NEGR1: variants seen among roughly 807,000 people sequenced by gnomAD.
NEGR1 encodes IgLON family member 4.
Under a neutral mutation model 40.9 loss-of-function variants are expected in NEGR1, and 10 were observed. That is an observed-to-expected ratio of 0.24 (90% confidence interval 0.15 to 0.42). NEGR1 has a LOEUF of 0.42. Among genes scored for constraint, NEGR1 ranks in the 10% least tolerant of loss-of-function variants. The probability of loss-of-function intolerance (pLI) is 1.00; values close to 1 mark genes in which losing one functional copy is unlikely to be tolerated. For synonymous variants in NEGR1, 185 were observed against 166.8 expected, an observed-to-expected ratio of 1.11 and a Z score of -0.84; for missense variants, 352 against 438.9, an observed-to-expected ratio of 0.80 and a Z score of 1.77.
chr1:72,198,353 C>A (rs537293885), intron 1 of NEGR1, among the ~76,000 whole-genome samples: 1 of 151,896 alleles, frequency 6.6e-6, no homozygotes, highest in Non-Finnish European at 1.5e-5. Context: ...AATATGGGAA[C>A]TGAAAAGACT....
chr1:71,735,609 A>G (rs1007436180), intron 3 of NEGR1, among the ~76,000 whole-genome samples: 6 of 152,120 alleles, frequency 3.9e-5, no homozygotes, highest in African/African-American at 1.4e-4. Flanking sequence ...AGCTATGATA[A>G]GAACTGCAAA....
At chr1:71,854,543 G>C (rs1310781654) in intron 2 of NEGR1, among the ~76,000 whole-genome samples, 1 of 152,060 alleles carries the variant, frequency 6.6e-6, no homozygotes, top group Non-Finnish European at 1.5e-5. Flanking sequence ...AATCGTATTA[G>C]TCCACTCTGA....
chr1:72,000,901 A>G (rs1203498733), intron 1 of NEGR1, among the ~76,000 whole-genome samples: 1 of 152,208 alleles, frequency 6.6e-6, no homozygotes, highest in Non-Finnish European at 1.5e-5. Context: ...ACAAAAGGAC[A>G]GCCTGAAGGC....
intron 3 of NEGR1, among the ~76,000 whole-genome samples, chr1:71,703,567 AT>A (rs1653775172): frequency 6.6e-6 from 1 of 151,822 alleles, no homozygotes; most frequent in Admixed American, 6.6e-5. Context: ...TTTACAAAAA[AT>A]AAATATAATG....
chr1:71,480,411 C>G (rs892016793), intron 6 of NEGR1, among the ~76,000 whole-genome samples: 1 of 151,780 alleles, frequency 6.6e-6, no homozygotes, highest in African/African-American at 2.4e-5. Flanking sequence ...CCTCTTTCTC[C>G]TTTTCTCTAT....
chr1:71,894,241 A>G lies in NEGR1; in HGVS notation c.409+40838T>C, dbSNP rs533414323. On this transcript the variant is annotated intron_variant, in intron 2 of 6. Transcript: ENST00000357731. ...GTATAATAATAATAATAAAAAAAGA[A>G]AAAAAAAAAAAGAATGGAGAAGTCA... Among the ~76,000 whole-genome samples, 4 of 120,920 alleles carry G rather than the reference A, an allele frequency of 3.3e-5. 1 individual carries two copies. The East Asian group carries it at 1.0e-3, about 30-fold the overall frequency. 79.3% of individuals were successfully genotyped at this position (120,920 alleles called of 152,430 possible).
chr1:71,797,797 A>G (rs1657393414), intron 2 of NEGR1, among the ~76,000 whole-genome samples: 1 of 152,146 alleles, frequency 6.6e-6, no homozygotes, highest in Non-Finnish European at 1.5e-5. Context: ...TTCTCTGAGC[A>G]CTGACTCTTC....
intron 1 of NEGR1, among the ~76,000 whole-genome samples, chr1:72,091,217 G>T (rs1408167476): frequency 6.6e-6 from 1 of 152,054 alleles, no homozygotes; most frequent in African/African-American, 2.4e-5. Flanking sequence ...GAAATGATAT[G>T]CACTCAGATA....
At chr1:71,697,574 C>T (rs1416689819) in intron 4 of NEGR1, among the ~76,000 whole-genome samples, 1 of 151,840 alleles carries the variant, frequency 6.6e-6, no homozygotes, top group East Asian at 1.9e-4. Context: ...ACCCAACTAA[C>T]AGAAGCATCA....
intron 1 of NEGR1, among the ~76,000 whole-genome samples, chr1:71,990,992 G>T (rs1420854608): frequency 6.6e-6 from 1 of 150,756 alleles, no homozygotes; most frequent in African/African-American, 2.4e-5. Flanking sequence ...GTCTTTCCTT[G>T]TATCAATCCT....
intron 2 of NEGR1, among the ~76,000 whole-genome samples, chr1:71,902,134 A>G (rs562884362): frequency 6.6e-6 from 1 of 152,372 alleles, no homozygotes; most frequent in Admixed American, 6.5e-5. Context: ...CCTATTTCAC[A>G]GACTTAGAAA....
chr1:71,799,370 G>A (rs1483761967), intron 2 of NEGR1, among the ~76,000 whole-genome samples: 1 of 152,114 alleles, frequency 6.6e-6, no homozygotes, highest in East Asian at 1.9e-4. Flanking sequence ...CAAAGGACAT[G>A]AACTCATTCT....
intron 6 of NEGR1, among the ~76,000 whole-genome samples, chr1:71,574,858 C>A (rs1422049627): frequency 1.3e-5 from 2 of 152,146 alleles, no homozygotes; most frequent in Non-Finnish European, 2.9e-5. Flanking sequence ...TCATTGAACT[C>A]AAAATACATA....
At chr1:71,429,819 AT>A (rs1328463951) in intron 6 of NEGR1, among the ~76,000 whole-genome samples, 3 of 152,196 alleles carry the variant, frequency 2.0e-5, no homozygotes, top group African/African-American at 4.8e-5. Context: ...TATGAGAAAT[AT>A]TTAAGAGATG....
At chr1:71,519,710 C>G (rs1421964147) in intron 6 of NEGR1, among the ~76,000 whole-genome samples, 3 of 121,964 alleles carry the variant, frequency 2.5e-5, no homozygotes, top group African/African-American at 3.4e-5. Flanking sequence ...GCACATGTAC[C>G]CTAACACTTA....
At chr1:71,776,322 T>A in intron 2 of NEGR1, 25 bp from the exon 3 acceptor site, 1 of 1,468,128 alleles carries the variant, frequency 6.8e-7, no homozygotes, top group Admixed American at 2.0e-5. Context: ...TACGCAGTGA[T>A]TAGAAAAAAA....
intron 6 of NEGR1, among the ~76,000 whole-genome samples, chr1:71,574,383 G>T (rs1648897608): frequency 6.6e-6 from 1 of 152,124 alleles, no homozygotes; most frequent in Non-Finnish European, 1.5e-5. Flanking sequence ...TGTAAGTAGG[G>T]TATAATCTCA....
At chr1:71,494,702 G>C (rs1038253668) in intron 6 of NEGR1, among the ~76,000 whole-genome samples, 30 of 152,026 alleles carry the variant, frequency 2.0e-4, no homozygotes, top group African/African-American at 7.0e-4. Context: ...CCGTCTTGTG[G>C]GGAGAATTCC....
chr1:72,127,959 G>C (rs1366198031), intron 1 of NEGR1, among the ~76,000 whole-genome samples: 8 of 152,000 alleles, frequency 5.3e-5, no homozygotes, highest in Admixed American at 4.6e-4. Context: ...TAATATTGTA[G>C]GAAGAAAGAA....
Sources: allele counts gnomAD v4.1 joint callset (sites outside exome capture counted in the v4.1 genomes callset), GRCh38; gene constraint gnomAD v4.1.1; transcripts MANE v1.5; gene names NCBI Gene and HGNC (gene_info 2026-07-23, HGNC 2026-07-21).